The following NLK variants were observed in gnomAD, a reference collection of about 807,000 sequenced individuals.
NLK encodes serine/threonine-protein kinase NLK.
NLK carries 11 observed loss-of-function variants against 59.0 expected under a neutral mutation model. That is an observed-to-expected ratio of 0.19 (90% CI 0.12 to 0.31). The LOEUF (loss-of-function observed/expected upper bound fraction) is 0.31, where lower values mean the gene tolerates loss of function less well. Among genes scored for constraint, NLK ranks in the 10% least tolerant of loss-of-function variants. The pLI, the probability that NLK is intolerant of heterozygous loss-of-function variation, is 1.00. For missense variants in NLK, 410 were observed against 661.1 expected (o/e 0.62, Z 4.16); for synonymous variants, 235 against 235.9 (o/e 1.00, Z 0.03).
At chr17:28,070,241 A>C (rs1316178504) in intron 1 of NLK, among the ~76,000 whole-genome samples, 1 of 152,154 alleles carries the variant, frequency 6.6e-6, no homozygotes, top group Non-Finnish European at 1.5e-5. Context: ...GTCTCAAAAA[A>C]AAAGAAGAAA....
At chr17:28,081,904 T>C (rs1448519764) in intron 1 of NLK, among the ~76,000 whole-genome samples, 1 of 152,214 alleles carries the variant, frequency 6.6e-6, no homozygotes, top group African/African-American at 2.4e-5. Context: ...TTTGTTTTGT[T>C]TCCTTTTGAG....
chr17:28,201,219 TAC>T (rs1219661585), downstream of NLK, among the ~76,000 whole-genome samples: 2 of 152,104 alleles, frequency 1.3e-5, no homozygotes, highest in African/African-American at 4.8e-5. Context: ...CAGCTGGGAT[TAC>T]AAACATGTGC....
intron 9 of NLK, 80 bp downstream of exon 9, chr17:28,191,299 T>G: frequency 1.8e-6 from 2 of 1,108,882 alleles, no homozygotes; most frequent in Non-Finnish European, 2.6e-6. Flanking sequence ...AGCTGAGATC[T>G]GGATGGTAAC....
rs558091716 is a variant in NLK, at chr17:28,095,632, C to T, written c.459-26971C>T. Among the ~76,000 whole-genome samples the T allele has an allele frequency of 1.5e-3, 228 of 152,230 alleles. 1 individual carries two copies. The highest frequency in any genetic ancestry group is 5.3e-3 in the African/African-American group (220 of 41,538). On this transcript the variant is annotated intron_variant, in intron 1 of 10. Coordinates refer to ENST00000407008, the MANE Select transcript of NLK (RefSeq NM_016231.5). ...TACTGATGCAGATTATCCTATGATTCCAGATTTCTGCAATTACAATATATA... is the reference window on the plus strand; with the variant it reads ...TACTGATGCAGATTATCCTATGATTTCAGATTTCTGCAATTACAATATATA...
intron 10 of NLK, among the ~76,000 whole-genome samples, chr17:28,192,731 C>G (rs1909353062): frequency 6.6e-6 from 1 of 151,922 alleles, no homozygotes; most frequent in Non-Finnish European, 1.5e-5. Flanking sequence ...ACTGCGGTTG[C>G]TTTGGCAATT....
rs1168009817 is a variant in NLK at position 28,158,531 on chromosome 17, A to AT, written c.645-2622dup. Among the ~76,000 whole-genome samples the AT allele has an allele frequency of 2.6e-5, 4 of 152,090 alleles. No homozygotes were observed. In the South Asian group the frequency reaches 6.2e-4, roughly 24 times the overall value. Reference sequence around the variant, plus strand: ...TATAAATTAACCCTAGCTTACTGTAATTTTTTTACTTTCGAAACTTTTTAA... The same window carrying AT: ...TATAAATTAACCCTAGCTTACTGTAATTTTTTTTACTTTCGAAACTTTTTAA... On this transcript the variant is annotated intron_variant, in intron 3 of 10. Transcript: ENST00000407008.
chr17:28,058,524 G>T (rs1050598694), intron 1 of NLK, among the ~76,000 whole-genome samples: 4 of 152,258 alleles, frequency 2.6e-5, no homozygotes, highest in Admixed American at 1.3e-4. Flanking sequence ...CGAAGATTCG[G>T]GTCATGTCTT....
chr17:28,160,986 G>C (rs1249330262), intron 3 of NLK, among the ~76,000 whole-genome samples, 174 bp from the exon 4 acceptor site: 1 of 152,166 alleles, frequency 6.6e-6, no homozygotes, highest in African/African-American at 2.4e-5. Flanking sequence ...AAGTTCTTTT[G>C]ATTTTAGTAG....
chr17:28,042,868 T>C lies in NLK; in HGVS notation c.-6T>C. On this transcript the variant is annotated 5_prime_UTR_variant, in exon 1 of 11. Coordinates refer to ENST00000407008, the MANE Select transcript of NLK (RefSeq NM_016231.5). ...TTGCTTTCCAATCAAAGGGCATTTA[T>C]TTTGAATGTCTCTTTGTGGCGCAAG... The C allele has an allele frequency of 2.0e-6, 3 of 1,485,982 alleles. No individual in the cohort carries two copies. Among genetic ancestry groups the C allele is most frequent in the Non-Finnish European group, 1.8e-6 (2 of 1,110,150 alleles). The allele number at this position is 1,485,982 out of a possible 1,614,324, so 92.0% of individuals were successfully genotyped here. A position where few individuals can be genotyped will look rare whatever the true frequency, so the allele number is the denominator to read the frequency against.
intron 1 of NLK, among the ~76,000 whole-genome samples, chr17:28,111,860 C>CTGTG (rs1905493547): frequency 1.6e-5 from 1 of 62,230 alleles, no homozygotes; most frequent in Non-Finnish European, 3.2e-5. Flanking sequence ...AAGGCTTATA[C>CTGTG]CGTGTGTGTG....
intron 3 of NLK, among the ~76,000 whole-genome samples, chr17:28,143,043 CTT>C (rs527832848): frequency 2.9e-4 from 40 of 135,892 alleles, no homozygotes; most frequent in Admixed American, 4.5e-4. Context: ...AAGATGAAAA[CTT>C]TTTTTTTTTT....
chr17:28,162,262 G>A (rs1247686092), intron 4 of NLK, among the ~76,000 whole-genome samples: 1 of 152,040 alleles, frequency 6.6e-6, no homozygotes, highest in Non-Finnish European at 1.5e-5. Context: ...TGATCCTCCT[G>A]CCTCGGCCTC....
At chr17:28,147,101 G>T (rs993077403) in intron 3 of NLK, among the ~76,000 whole-genome samples, 2 of 151,818 alleles carry the variant, frequency 1.3e-5, no homozygotes, top group African/African-American at 4.8e-5. Flanking sequence ...CCAACCTCTT[G>T]GCTGTTGCCT....
intron 1 of NLK, among the ~76,000 whole-genome samples, chr17:28,092,752 A>T (rs561007649): frequency 2.0e-3 from 159 of 81,380 alleles, no homozygotes; most frequent in South Asian, 3.0e-3. Flanking sequence ...GCTTGTTTTT[A>T]TTTTATTTTA....
chr17:28,083,273 A>G (rs1405720866), intron 1 of NLK, among the ~76,000 whole-genome samples: 1 of 152,198 alleles, frequency 6.6e-6, no homozygotes, highest in Non-Finnish European at 1.5e-5. Flanking sequence ...GGTGATTGAT[A>G]AATATTTGTT....
chr17:28,120,510 GA>G (rs1420831802), intron 1 of NLK, among the ~76,000 whole-genome samples: 1 of 152,108 alleles, frequency 6.6e-6, no homozygotes, highest in African/African-American at 2.4e-5. Context: ...TGTAGTCCCA[GA>G]AGGCTGAGGC....
intron 3 of NLK, among the ~76,000 whole-genome samples, chr17:28,157,667 T>TAA (rs1907829859): frequency 1.3e-5 from 2 of 152,146 alleles, no homozygotes; most frequent in African/African-American, 4.8e-5. Flanking sequence ...AAAAAAAGAA[T>TAA]AAGAAGATAA....
At chr17:28,057,981 C>T in intron 1 of NLK, among the ~76,000 whole-genome samples, 1 of 152,146 alleles carries the variant, frequency 6.6e-6, no homozygotes, top group South Asian at 2.1e-4. Context: ...GCTGCCTAGG[C>T]TACAATATAA....
chr17:28,146,389 TGATGATGATGATGATGAC>T (rs1408783871), intron 3 of NLK, among the ~76,000 whole-genome samples: 3 of 151,356 alleles, frequency 2.0e-5, no homozygotes, highest in South Asian at 4.2e-4. Flanking sequence ...ATGTTGATGA[TGATGATGATGATGATGAC>T]GATGATGATG....
Sources: allele counts gnomAD v4.1 joint callset (sites outside exome capture counted in the v4.1 genomes callset), GRCh38; gene constraint gnomAD v4.1.1; transcripts MANE v1.5; gene names NCBI Gene and HGNC (gene_info 2026-07-23, HGNC 2026-07-21).